DENND6A: variants seen among roughly 807,000 people sequenced by gnomAD.
DENND6A encodes the protein protein DENND6A.
In DENND6A, 43 loss-of-function variants were observed where a neutral mutation model predicts 95.5. The observed-to-expected ratio is 0.45, with a 90% CI of 0.35 to 0.58. DENND6A has a LOEUF of 0.58. Among genes scored for constraint, DENND6A ranks in the 20% least tolerant of loss-of-function variants. The pLI is 0.00. For synonymous variants in DENND6A, 257 were observed against 260.4 expected (o/e 0.99, Z 0.13); for missense variants, 574 against 736.0 (o/e 0.78, Z 2.55).
At chr3:57,631,032 G>T in intron 15 of DENND6A, 54 bp from the exon 16 acceptor site, 1 of 1,551,196 alleles carries the variant, frequency 6.4e-7, no homozygotes, top group South Asian at 1.2e-5. Flanking sequence ...TATTTAAACA[G>T]ACCTACTTAA....
chr3:57,630,020 T>C (rs1158179222), intron 18 of DENND6A, among the ~76,000 whole-genome samples: 1 of 152,136 alleles, frequency 6.6e-6, no homozygotes, highest in Admixed American at 6.6e-5. Context: ...ACTCCCACTG[T>C]AGGCTATTTC....
chr3:57,687,656 G>A (rs2077222874), intron 1 of DENND6A, among the ~76,000 whole-genome samples: 1 of 152,176 alleles, frequency 6.6e-6, no homozygotes, highest in African/African-American at 2.4e-5. Flanking sequence ...ATGACAGCCA[G>A]GTGTGGTCGC....
intron 1 of DENND6A, among the ~76,000 whole-genome samples, chr3:57,690,453 G>A (rs903444373): frequency 2.0e-5 from 3 of 152,058 alleles, no homozygotes; most frequent in Non-Finnish European, 2.9e-5. Context: ...GCAGGGAGGC[G>A]GAGCTTGCAG....
intron 3 of DENND6A, among the ~76,000 whole-genome samples, chr3:57,670,032 A>AAAG (rs201789244): frequency 0.068 from 10,202 of 149,392 alleles, 1,299 homozygotes; most frequent in African/African-American, 0.24. Flanking sequence ...AAAAAAAAAA[A>AAAG]AAAAAGAAAA....
At chr3:57,656,813 C>T (rs1575841599) in intron 9 of DENND6A, among the ~76,000 whole-genome samples, 1 of 152,064 alleles carries the variant, frequency 6.6e-6, no homozygotes, top group Admixed American at 6.6e-5. Flanking sequence ...AAAAATGTAG[C>T]CAGACATGGT....
chr3:57,629,423 AAGTG>A (rs555260477), intron 18 of DENND6A, among the ~76,000 whole-genome samples: 142 of 152,222 alleles, frequency 9.3e-4, no homozygotes, highest in Middle Eastern at 3.4e-3. Context: ...ATATAAATGA[AAGTG>A]AGACTATTCC....
intron 3 of DENND6A, among the ~76,000 whole-genome samples, chr3:57,671,246 C>T (rs891164727): frequency 2.6e-5 from 4 of 152,130 alleles, no homozygotes; most frequent in South Asian, 2.1e-4. Flanking sequence ...AGTAACCGGC[C>T]GGGTGTGGTG....
At chr3:57,661,341 T>C in intron 6 of DENND6A, 105 bp downstream of exon 6, 2 of 892,298 alleles carry the variant, frequency 2.2e-6, no homozygotes, top group South Asian at 4.5e-5. Flanking sequence ...ATTCCTTAAG[T>C]TCCTACCTGA....
rs767867050 is a variant in DENND6A, at chr3:57,670,355, AAAG to A, written c.319+1898_319+1900del. ...TGGGAGCTTAGATACCATTTTAACA[AAAG>A]AAACTAAAATGCAGACAAAGGAAAA... On this transcript the variant is annotated intron_variant, in intron 3 of 19. Transcript: ENST00000311128. Among the ~76,000 whole-genome samples, 11 of 152,376 alleles carry A rather than the reference AAAG, an allele frequency of 7.2e-5. No individual in the cohort carries two copies. The East Asian group carries it at 1.9e-3, about 27-fold the overall frequency.
intron 7 of DENND6A, 23 bp from the exon 8 acceptor site, chr3:57,659,203 T>C (rs1310837662): frequency 6.2e-7 from 1 of 1,612,606 alleles, no homozygotes; most frequent in Non-Finnish European, 8.5e-7. Flanking sequence ...CAGGAAATTA[T>C]TTTTGGTTAT....
chr3:57,645,212 C>T (rs1275766995), intron 11 of DENND6A, among the ~76,000 whole-genome samples: 15 of 152,092 alleles, frequency 9.9e-5, no homozygotes, highest in Admixed American at 9.8e-4. Flanking sequence ...CCTGTAATCC[C>T]AGCACTTTGT....
chr3:57,657,529 C>T (rs2153415266), intron 9 of DENND6A, 151 bp downstream of exon 9: 1 of 513,084 alleles, frequency 1.9e-6, no homozygotes, highest in South Asian at 2.6e-5. Flanking sequence ...TAACATGTAC[C>T]CAGGGATGAA....
chr3:57,667,761 G>A (rs6445921), intron 3 of DENND6A, among the ~76,000 whole-genome samples: 112,340 of 152,086 alleles, frequency 0.74, 43,965 homozygotes, highest in East Asian at 1. Context: ...ACTTGATATT[G>A]CTGTAATAAA....
At chr3:57,683,679 A>C (rs977443681) in intron 1 of DENND6A, among the ~76,000 whole-genome samples, 1 of 152,210 alleles carries the variant, frequency 6.6e-6, no homozygotes, top group African/African-American at 2.4e-5. Context: ...TATTACTACC[A>C]AGAATTTAAG....
intron 1 of DENND6A, among the ~76,000 whole-genome samples, chr3:57,680,862 A>T (rs1227437711): frequency 6.6e-6 from 1 of 152,214 alleles, no homozygotes; most frequent in Non-Finnish European, 1.5e-5. Flanking sequence ...GACATGGCTC[A>T]TACCTACTAG....
At chr3:57,650,785 A>ATTT (rs55772491) in intron 9 of DENND6A, among the ~76,000 whole-genome samples, 8 of 143,018 alleles carry the variant, frequency 5.6e-5, no homozygotes, top group East Asian at 2.0e-4. Context: ...TCCACATGGA[A>ATTT]TTTTTTTTTT....
At chr3:57,637,856 C>G (rs942910889) in intron 12 of DENND6A, among the ~76,000 whole-genome samples, 10 of 151,432 alleles carry the variant, frequency 6.6e-5, no homozygotes, top group African/African-American at 2.4e-4. Flanking sequence ...TGTGCACAGG[C>G]CGGGCACAGT....
intron 9 of DENND6A, among the ~76,000 whole-genome samples, chr3:57,656,497 A>G (rs1416003568): frequency 6.6e-6 from 1 of 152,198 alleles, no homozygotes; most frequent in Admixed American, 6.5e-5. Context: ...ACATTTGCAT[A>G]CAGGTCTTCA....
intron 1 of DENND6A, among the ~76,000 whole-genome samples, chr3:57,684,123 G>A (rs2077190223): frequency 7.6e-6 from 1 of 131,464 alleles, no homozygotes; most frequent in Admixed American, 9.1e-5. Context: ...CTGCACTCCA[G>A]CCTGGGTGAC....
Sources: allele counts gnomAD v4.1 joint callset (sites outside exome capture counted in the v4.1 genomes callset), GRCh38; gene constraint gnomAD v4.1.1; transcripts MANE v1.5; gene names NCBI Gene and HGNC (gene_info 2026-07-23, HGNC 2026-07-21).